PTPRO: variants seen among roughly 807,000 people sequenced by gnomAD.
PTPRO encodes receptor-type tyrosine-protein phosphatase O.
PTPRO carries 62 observed loss-of-function variants against 145.2 expected under a neutral mutation model. That is an observed-to-expected ratio of 0.43 (90% confidence interval 0.35 to 0.53). PTPRO has a LOEUF of 0.53. Among genes scored for constraint, PTPRO ranks in the 20% least tolerant of loss-of-function variants. PTPRO has a pLI of 0.01. For synonymous variants in PTPRO, 565 were observed against 514.7 expected, an observed-to-expected ratio of 1.10 and a Z score of -1.32; for missense variants, 1,345 against 1,482.7, an observed-to-expected ratio of 0.91 and a Z score of 1.53.
chr12:15,476,257 A>G (rs1941651448), intron 1 of PTPRO, among the ~76,000 whole-genome samples: 2 of 152,134 alleles, frequency 1.3e-5, no homozygotes, highest in South Asian at 4.1e-4. Context: ...AGGCCAACCG[A>G]CATATTACTT....
chr12:15,467,997 G>C (rs1484154200), intron 1 of PTPRO, among the ~76,000 whole-genome samples: 1 of 152,132 alleles, frequency 6.6e-6, no homozygotes, highest in African/African-American at 2.4e-5. Flanking sequence ...TTGGCAGATT[G>C]CCCCTTCTTC....
At chr12:15,435,875 T>G (rs1313661455) in intron 1 of PTPRO, among the ~76,000 whole-genome samples, 2 of 152,240 alleles carry the variant, frequency 1.3e-5, no homozygotes. Context: ...CAGGCTATTA[T>G]TTTCAGGCCA....
Position 15,502,072 on chromosome 12 carries a change from G to A in PTPRO, c.1105+9G>A, listed in dbSNP as rs1187250832. The stretch of plus-strand genomic sequence containing the variant: ...CCATATTGAACGAGAAGGTAAAGCA[G>A]TAGGAAATCAGAGGAAATAAGAACT... On this transcript the variant is annotated intron_variant, in intron 5 of 26. Coordinates refer to ENST00000281171, the MANE Select transcript of PTPRO (RefSeq NM_030667.3). 1.9e-6 allele frequency: 3 copies of A among 1,600,404 alleles called. No homozygotes were observed. The highest frequency in any genetic ancestry group is 2.6e-6 in the Non-Finnish European group (3 of 1,167,720).
chr12:15,514,465 A>AG (rs1478942451), intron 7 of PTPRO, among the ~76,000 whole-genome samples: 28 of 147,648 alleles, frequency 1.9e-4, no homozygotes, highest in African/African-American at 7.3e-4. Flanking sequence ...AAAAAAAAAA[A>AG]AAAAAAAAGA....
intron 1 of PTPRO, among the ~76,000 whole-genome samples, chr12:15,325,319 T>C (rs1353233529): frequency 6.6e-6 from 1 of 152,184 alleles, no homozygotes; most frequent in Non-Finnish European, 1.5e-5. Context: ...TGTGTATGAA[T>C]GGCTATAATC....
chr12:15,363,076 G>T (rs954093663), intron 1 of PTPRO, among the ~76,000 whole-genome samples: 2 of 152,168 alleles, frequency 1.3e-5, no homozygotes, highest in African/African-American at 4.8e-5. Flanking sequence ...GTAAATTCAA[G>T]ATGGCTGAAG....
At chr12:15,541,199 T>C (rs556373599) in intron 12 of PTPRO, among the ~76,000 whole-genome samples, 115 of 152,276 alleles carry the variant, frequency 7.6e-4, no homozygotes, top group Admixed American at 1.4e-3. Context: ...TTTAGAGAGA[T>C]AAAAAGCAAT....
At chr12:15,390,360 G>A (rs977769262) in intron 1 of PTPRO, among the ~76,000 whole-genome samples, 3 of 152,112 alleles carry the variant, frequency 2.0e-5, no homozygotes, top group Admixed American at 2.0e-4. Context: ...CTGTGTGGCC[G>A]GGGAGGCTTC....
chr12:15,437,043 G>A lies in PTPRO; in HGVS notation c.76-46931G>A, dbSNP rs78677632. ...TGCTCCATTCCTAGGCAGAAATCTGGGTATTTGGAACACCTGCTTGCCTGG... is the reference window on the plus strand; with the variant it reads ...TGCTCCATTCCTAGGCAGAAATCTGAGTATTTGGAACACCTGCTTGCCTGG... On this transcript the variant is annotated intron_variant, in intron 1 of 26. Transcript: ENST00000281171. Among the ~76,000 whole-genome samples the A allele has an allele frequency of 7.9e-3, 1,205 of 151,930 alleles. 29 individuals are homozygous for A. Among genetic ancestry groups the A allele is most frequent in the African/African-American group, 0.028 (1,158 of 41,440 alleles).
At chr12:15,471,144 T>C (rs1941530735) in intron 1 of PTPRO, among the ~76,000 whole-genome samples, 1 of 152,096 alleles carries the variant, frequency 6.6e-6, no homozygotes. Flanking sequence ...ATTGGGAAGC[T>C]GAGGTGGGCA....
At chr12:15,580,979 G>C in intron 22 of PTPRO, 148 bp downstream of exon 22, 1 of 1,135,226 alleles carries the variant, frequency 8.8e-7, no homozygotes, top group Non-Finnish European at 1.3e-6. Context: ...GCAAGAATTA[G>C]AATTTGGGGG....
chr12:15,597,801 T>C lies in PTPRO; in HGVS notation c.*1728T>C, dbSNP rs1448308442. ...CTCTTCTTCTCACCCCCGACTCCTT[T>C]ATTTCCCTTTTTGGACATTTTAATA... is the stretch of plus-strand genomic sequence containing the variant. On this transcript the variant is annotated 3_prime_UTR_variant, in exon 27 of 27. Coordinates refer to ENST00000281171, the MANE Select transcript of PTPRO (RefSeq NM_030667.3). Among the ~76,000 whole-genome samples the C allele has an allele frequency of 1.3e-5, 2 of 152,176 alleles. No homozygotes were observed. Among genetic ancestry groups the C allele is most frequent in the African/African-American group, 2.4e-5 (1 of 41,444 alleles).
chr12:15,366,920 A>G (rs1334202991), intron 1 of PTPRO, among the ~76,000 whole-genome samples: 1 of 152,192 alleles, frequency 6.6e-6, no homozygotes, highest in Non-Finnish European at 1.5e-5. Context: ...AGGATTTTGC[A>G]ATTAAAAAAT....
intron 7 of PTPRO, among the ~76,000 whole-genome samples, chr12:15,510,169 T>C (rs1481357224): frequency 6.6e-6 from 1 of 152,180 alleles, no homozygotes; most frequent in Non-Finnish European, 1.5e-5. Flanking sequence ...TTTAATGAAA[T>C]TCAAACAATG....
chr12:15,455,447 C>T lies in PTPRO; in HGVS notation c.76-28527C>T, dbSNP rs1489017473. 2.6e-5 allele frequency among the ~76,000 whole-genome samples: 4 copies of T among 152,024 alleles called. No individual in the cohort carries two copies. In the East Asian group the frequency reaches 7.7e-4, roughly 29 times the overall value. On this transcript the variant is annotated intron_variant, in intron 1 of 26. Transcript: ENST00000281171. Reference sequence around the variant, plus strand: ...CAGATTGCACAATAAGAAGTAAGGACATTTGAACAATATTAAGTCTTCCGG... The same window carrying T: ...CAGATTGCACAATAAGAAGTAAGGATATTTGAACAATATTAAGTCTTCCGG...
intron 1 of PTPRO, among the ~76,000 whole-genome samples, chr12:15,391,121 A>G (rs1029582346): frequency 6.6e-6 from 1 of 152,214 alleles, no homozygotes; most frequent in Non-Finnish European, 1.5e-5. Context: ...ATTGGGGGCT[A>G]GAGTTCAACA....
rs4764197 is a variant in PTPRO, at chr12:15,499,396, T to C, written c.509-46T>C. 1,507,573 of 1,568,656 alleles carry C rather than the reference T, an allele frequency of 0.96. 724,729 individuals are homozygous for C. The highest frequency in any genetic ancestry group is 0.99 in the Middle Eastern group (5,654 of 5,696). ...TTTCAAACTTTCCAGAAGTGTGTGATGTTTAGAAGACCATATTTTTCATGT... is the reference window on the plus strand; with the variant it reads ...TTTCAAACTTTCCAGAAGTGTGTGACGTTTAGAAGACCATATTTTTCATGT... On this transcript the variant is annotated intron_variant, in intron 3 of 26. Transcript: ENST00000281171.
At position 15,359,525 on chromosome 12, in the gene PTPRO, C is replaced by T. The variant is rs571385291; in HGVS notation, c.75+36724C>T. On this transcript the variant is annotated intron_variant, in intron 1 of 26. Transcript: ENST00000281171. ...TCAAGTGATTCTCCTACCTTGGCCT[C>T]CCAAGTAGCTGGAACTACAGGCACC... Among the ~76,000 whole-genome samples, 5 of 148,950 alleles carry T rather than the reference C, an allele frequency of 3.4e-5. 1 individual carries two copies. Among genetic ancestry groups the T allele is most frequent in the African/African-American group, 9.9e-5 (4 of 40,544 alleles).
intron 16 of PTPRO, among the ~76,000 whole-genome samples, chr12:15,558,859 G>A (rs1436771092): frequency 2.0e-5 from 3 of 152,130 alleles, no homozygotes; most frequent in African/African-American, 4.8e-5. Context: ...AAGGCAATAT[G>A]TTGTGCCATT....
Sources: allele counts gnomAD v4.1 joint callset (sites outside exome capture counted in the v4.1 genomes callset), GRCh38; gene constraint gnomAD v4.1.1; transcripts MANE v1.5; gene names NCBI Gene and HGNC (gene_info 2026-07-23, HGNC 2026-07-21).